SENP8: variants seen among roughly 807,000 people sequenced by gnomAD.
SENP8 encodes SUMO peptidase family member, NEDD8 specific, also known as sentrin-specific protease 8.
A neutral mutation model predicts 14.4 loss-of-function variants in SENP8; 10 were observed. That is an observed-to-expected ratio of 0.69 (90% CI 0.43 to 1.18). The LOEUF (loss-of-function observed/expected upper bound fraction) is 1.18. Among genes scored for constraint, SENP8 ranks in the 50% most tolerant of loss-of-function variants. The pLI is 0.00. For missense variants in SENP8, 202 were observed against 249.4 expected (o/e 0.81, Z 1.28); for synonymous variants, 94 against 95.5 (o/e 0.98, Z 0.09).
At chr15:72,120,402 G>C (rs911729288) in intron 1 of SENP8, among the ~76,000 whole-genome samples, 1 of 152,196 alleles carries the variant, frequency 6.6e-6, no homozygotes, top group African/African-American at 2.4e-5. Flanking sequence ...AGTATGGCTA[G>C]AGCATAGTAT....
Position 72,139,983 on chromosome 15 carries a change from C to T in SENP8, c.360C>T (p.Ser120=). 6.2e-7 allele frequency: 1 copy of T among 1,614,164 alleles called. No individual in the cohort carries two copies. ...AAAATAGCTTTTTTCATTATGATTC[C>T]CATAGCAGGAGCAACTCAGTTCACG... The part of the protein sequence containing the change: ...QDKNSFFHYD[S]HSRSNSVHAK... Residue 120 remains serine (S), a synonymous_variant, in exon 2 of 2, where the codon TCC becomes TCT. Transcript: ENST00000340912.
chr15:72,127,686 A>G (rs2081233526), intron 1 of SENP8, among the ~76,000 whole-genome samples: 1 of 152,172 alleles, frequency 6.6e-6, no homozygotes, highest in African/African-American at 2.4e-5. Context: ...TTAAACAATT[A>G]TTTTGATGGA....
chr15:72,118,117 G>C (rs1417697552), upstream of SENP8: 1 of 384,778 alleles, frequency 2.6e-6, no homozygotes. Context: ...CGCCCCGCGC[G>C]ACTCCCCGGC....
intron 1 of SENP8, among the ~76,000 whole-genome samples, chr15:72,121,296 G>A (rs1224407721): frequency 1.3e-5 from 2 of 152,232 alleles, no homozygotes; most frequent in Non-Finnish European, 2.9e-5. Flanking sequence ...GTAGACAATG[G>A]AGGGTTGTTA....
intron 1 of SENP8, among the ~76,000 whole-genome samples, chr15:72,128,174 A>C (rs2081238866): frequency 6.6e-6 from 1 of 152,192 alleles, no homozygotes; most frequent in Non-Finnish European, 1.5e-5. Flanking sequence ...AAAGAAAAAA[A>C]CTAACTCTTG....
Position 72,140,963 on chromosome 15 carries a change from A to T in SENP8, c.*701A>T, listed in dbSNP as rs1198830106. The T allele has an allele frequency of 6.0e-6, 1 of 167,070 alleles. No homozygotes were observed. The highest frequency in any genetic ancestry group is 1.5e-5 in the Non-Finnish European group (1 of 68,132). 10.3% of individuals were successfully genotyped at this position (167,070 alleles called of 1,614,324 possible). On this transcript the variant is annotated 3_prime_UTR_variant, in exon 2 of 2. Coordinates refer to ENST00000340912, the MANE Select transcript of SENP8 (RefSeq NM_145204.4). ...CCTCATTAAAATTAATGTCTGGTGG[A>T]CCTCTCAGTTTGCTCACTGATTGGG...
intron 1 of SENP8, among the ~76,000 whole-genome samples, chr15:72,124,372 T>A (rs1470631066): frequency 2.0e-5 from 3 of 152,034 alleles, no homozygotes; most frequent in Admixed American, 6.5e-5. Context: ...ATTATACAGA[T>A]CTCCAGATGG....
chr15:72,139,344 C>T (rs2081357880), intron 1 of SENP8: 1 of 390,926 alleles, frequency 2.6e-6, no homozygotes, highest in Non-Finnish European at 4.6e-6. Context: ...TCTTCATCCT[C>T]ATCATCATGT....
At chr15:72,139,449 C>A in intron 1 of SENP8, 128 bp from the exon 2 acceptor site, 1 of 888,842 alleles carries the variant, frequency 1.1e-6, no homozygotes. Context: ...AGTAGATCTG[C>A]ACAGATCAAA....
At chr15:72,136,638 T>A (rs1232419099) in intron 1 of SENP8, among the ~76,000 whole-genome samples, 1 of 152,222 alleles carries the variant, frequency 6.6e-6, no homozygotes, top group Non-Finnish European at 1.5e-5. Flanking sequence ...TTTGCAGCGT[T>A]TTGTTACACG....
At chr15:72,134,798 C>T in intron 1 of SENP8, 1 of 281,796 alleles carries the variant, frequency 3.5e-6, no homozygotes, top group South Asian at 4.3e-5. Context: ...AAAGGAATGT[C>T]CCAGAAGTGT....
intron 1 of SENP8, among the ~76,000 whole-genome samples, chr15:72,122,384 A>T (rs183527765): frequency 6.6e-6 from 1 of 151,984 alleles, no homozygotes. Context: ...ACACATTAGC[A>T]AAAGAATGTG....
intron 1 of SENP8, among the ~76,000 whole-genome samples, chr15:72,123,492 C>T (rs578163147): frequency 6.6e-6 from 1 of 151,848 alleles, no homozygotes; most frequent in East Asian, 1.9e-4. Flanking sequence ...ACTTGGTATA[C>T]ACCAGGTTTA....
At chr15:72,137,259 A>G (rs976219264) in intron 1 of SENP8, among the ~76,000 whole-genome samples, 2 of 115,968 alleles carry the variant, frequency 1.7e-5, no homozygotes, top group Non-Finnish European at 3.8e-5. Flanking sequence ...TACAAAAATG[A>G]TTAAATGATT....
Position 72,142,077 on chromosome 15 carries a change from C to G in SENP8, c.*1815C>G, listed in dbSNP as rs1197567976. The G allele has an allele frequency of 2.6e-5, 4 of 152,092 alleles. No individual in the cohort carries two copies. The highest frequency in any genetic ancestry group is 6.6e-5 in the Admixed American group (1 of 15,262). 9.4% of individuals were successfully genotyped at this position (152,092 alleles called of 1,614,324 possible). ...GAAAGCAATCTTTCCTAACTCCCTA[C>G]GATTCATCTTATAAGTAAATTTATA... is the stretch of plus-strand genomic sequence containing the variant. On this transcript the variant is annotated 3_prime_UTR_variant, in exon 2 of 2. Coordinates refer to ENST00000340912, the MANE Select transcript of SENP8 (RefSeq NM_145204.4).
chr15:72,138,722 G>A (rs2081350746), intron 1 of SENP8, among the ~76,000 whole-genome samples: 1 of 151,334 alleles, frequency 6.6e-6, no homozygotes, highest in African/African-American at 2.4e-5. Flanking sequence ...CAGCACTTTG[G>A]GAGGCTGAGG....
intron 1 of SENP8, among the ~76,000 whole-genome samples, chr15:72,121,919 T>A (rs1195228019): frequency 6.6e-6 from 1 of 152,244 alleles, no homozygotes; most frequent in African/African-American, 2.4e-5. Flanking sequence ...ATATTGTTAG[T>A]ACTTCTAATA....
intron 1 of SENP8, among the ~76,000 whole-genome samples, chr15:72,137,885 T>G (rs1462010201): frequency 6.6e-6 from 1 of 151,218 alleles, no homozygotes; most frequent in Non-Finnish European, 1.5e-5. Context: ...GGCAGGAGAA[T>G]GGTGTGAACC....
intron 1 of SENP8, among the ~76,000 whole-genome samples, chr15:72,133,811 C>T (rs1054335967): frequency 6.6e-6 from 1 of 152,156 alleles, no homozygotes; most frequent in Non-Finnish European, 1.5e-5. Context: ...TCTATATTGC[C>T]ACCCCCTGAC....
Sources: allele counts gnomAD v4.1 joint callset (sites outside exome capture counted in the v4.1 genomes callset), GRCh38; gene constraint gnomAD v4.1.1; transcripts MANE v1.5; gene names NCBI Gene and HGNC (gene_info 2026-07-23, HGNC 2026-07-21).